Variants in ACTN1 observed in about 807,000 individuals in gnomAD.
ACTN1 encodes actinin alpha 1.
In ACTN1, 30 loss-of-function variants were observed where a neutral mutation model predicts 119.6. That is an observed-to-expected ratio of 0.25 (90% confidence interval 0.19 to 0.34). The LOEUF is 0.34. ACTN1 is among the 10% of genes least tolerant of loss of function. ACTN1 has a pLI of 1.00. For missense variants in ACTN1, 764 were observed against 1,223.4 expected, an observed-to-expected ratio of 0.62 and a Z score of 5.60; for synonymous variants, 429 against 472.6, an observed-to-expected ratio of 0.91 and a Z score of 1.20.
At chr14:68,916,168 A>G (rs2034282837) in intron 3 of ACTN1, among the ~76,000 whole-genome samples, 1 of 152,120 alleles carries the variant, frequency 6.6e-6, no homozygotes, top group Admixed American at 6.5e-5. Context: ...TTAAGCCTAG[A>G]AAAAAGCTCT....
rs2031876351 is a variant in ACTN1, at chr14:68,885,026, C to T, written c.1386-143G>A. ...CCTTCAAGAGACCTTCCAGGCACTC[C>T]TTCCACCCCTCCCCTCTTTCAGGAG... On this transcript the variant is annotated intron_variant, in intron 12 of 21. Transcript: ENST00000394419. The surrounding 1 kb of genome is among the most constrained non-coding windows in gnomAD (Gnocchi z 5.6). The T allele has an allele frequency of 3.0e-6, 2 of 661,624 alleles. No individual in the cohort carries two copies. The highest frequency in any genetic ancestry group is 5.3e-5 in the Admixed American group (2 of 38,032). 41.0% of individuals were successfully genotyped at this position (661,624 alleles called of 1,614,324 possible). A position where few individuals can be genotyped will look rare whatever the true frequency, so the allele number is the denominator to read the frequency against.
chr14:68,976,741 G>T (rs957560178), intron 1 of ACTN1, among the ~76,000 whole-genome samples: 13 of 152,210 alleles, frequency 8.5e-5, no homozygotes, highest in Non-Finnish European at 1.8e-4. Context: ...ACCAAACACA[G>T]TCTGGACTTG....
chr14:68,900,122 C>T lies in ACTN1; in HGVS notation c.762+2355G>A, dbSNP rs1015452489. 8.5e-5 allele frequency among the ~76,000 whole-genome samples: 13 copies of T among 152,180 alleles called. No individual in the cohort carries two copies. The East Asian group carries it at 2.1e-3, about 25-fold the overall frequency. Reference sequence around the variant, plus strand: ...ACCAATGAGCCCTGGAAGGAAGTTCCGGAGGGTCTTGGGTGCCCAACCAGG... The same window carrying T: ...ACCAATGAGCCCTGGAAGGAAGTTCTGGAGGGTCTTGGGTGCCCAACCAGG... On this transcript the variant is annotated intron_variant, in intron 8 of 21. Coordinates refer to ENST00000394419, the MANE Select transcript of ACTN1 (RefSeq NM_001130004.2).
At chr14:68,898,076 AGATCT>A (rs1255182674) in intron 8 of ACTN1, among the ~76,000 whole-genome samples, 1 of 152,244 alleles carries the variant, frequency 6.6e-6, no homozygotes. Context: ...TGCCCTGCTC[AGATCT>A]GGGGCAGAGC....
intron 3 of ACTN1, among the ~76,000 whole-genome samples, chr14:68,916,527 C>A (rs2034303800): frequency 6.6e-6 from 1 of 152,182 alleles, no homozygotes; most frequent in African/African-American, 2.4e-5. Context: ...AATTAGCAGC[C>A]CATGCACGCC....
chr14:68,889,585 A>C (rs940392766), intron 11 of ACTN1, among the ~76,000 whole-genome samples: 1 of 152,240 alleles, frequency 6.6e-6, no homozygotes, highest in Non-Finnish European at 1.5e-5. Context: ...ACCTGAGATC[A>C]GGAGTTCAAA....
In ACTN1 at chr14:68,911,780, G is replaced by A. The variant is rs565959652; in HGVS notation, c.427+376C>T. Among the ~76,000 whole-genome samples the A allele has an allele frequency of 2.6e-5, 4 of 152,336 alleles. No individual in the cohort carries two copies. The East Asian group carries it at 7.7e-4, about 29-fold the overall frequency. Reference sequence around the variant, plus strand: ...GCAGATCTGTGAAATGGCCACTAGAGGGTGCTAGGGGAGCAAAGTGGAGGA... The same window carrying A: ...GCAGATCTGTGAAATGGCCACTAGAAGGTGCTAGGGGAGCAAAGTGGAGGA... On this transcript the variant is annotated intron_variant, in intron 4 of 21. Transcript: ENST00000394419.
intron 1 of ACTN1, among the ~76,000 whole-genome samples, chr14:68,938,021 G>A (rs975739333): frequency 4.3e-4 from 65 of 152,358 alleles, no homozygotes; most frequent in African/African-American, 1.5e-3. Context: ...TGGCCAGGGC[G>A]TGGGCCCTGG....
intron 1 of ACTN1, among the ~76,000 whole-genome samples, chr14:68,937,776 A>G (rs1240702118): frequency 6.6e-6 from 1 of 152,246 alleles, no homozygotes; most frequent in African/African-American, 2.4e-5. Flanking sequence ...GTCTAGGCTC[A>G]TCGAGTCAAA....
chr14:68,932,515 T>A (rs1034216407), intron 1 of ACTN1, among the ~76,000 whole-genome samples: 2 of 99,546 alleles, frequency 2.0e-5, no homozygotes, highest in African/African-American at 1.1e-4. Context: ...ACACCCAGCT[T>A]TTTTTTTTTT....
At position 68,874,711 on chromosome 14, in the gene ACTN1, C is replaced by G; in HGVS notation, c.*148G>C. 2 of 715,728 alleles carry G rather than the reference C, an allele frequency of 2.8e-6. No individual in the cohort carries two copies. Among genetic ancestry groups the G allele is most frequent in the Non-Finnish European group, 4.0e-6 (2 of 495,960 alleles). 44.3% of individuals were successfully genotyped at this position (715,728 alleles called of 1,614,324 possible). ...AAAATAATTTTGTAAACTGTCACTT[C>G]GCGGGCAGGGAGGATCGATGCCACG... On this transcript the variant is annotated 3_prime_UTR_variant, in exon 22 of 22. Coordinates refer to ENST00000394419, the MANE Select transcript of ACTN1 (RefSeq NM_001130004.2).
chr14:68,910,084 C>A (rs375699601), intron 4 of ACTN1, 42 bp from the exon 5 acceptor site: 3 of 1,554,488 alleles, frequency 1.9e-6, no homozygotes, highest in Non-Finnish European at 2.7e-6. Flanking sequence ...AGGGCTGACT[C>A]GGTGGAGGGA....
At chr14:68,905,042 C>T (rs557774637) in intron 6 of ACTN1, among the ~76,000 whole-genome samples, 224 of 152,320 alleles carry the variant, frequency 1.5e-3, no homozygotes, top group African/African-American at 5.1e-3. Flanking sequence ...GGGCAGGGCA[C>T]TGGCCTAGTC....
chr14:68,950,390 C>A (rs113591217), intron 1 of ACTN1, among the ~76,000 whole-genome samples: 1 of 148,760 alleles, frequency 6.7e-6, no homozygotes, highest in Non-Finnish European at 1.5e-5. Flanking sequence ...CTGAACTGTA[C>A]GTACACTTCA....
In ACTN1 at chr14:68,892,172, G is replaced by A. The variant is rs1037348428; in HGVS notation, c.967C>T (p.His323Tyr). Residue 323 changes from histidine to tyrosine, a missense_variant, in exon 10 of 22, where the codon CAC becomes TAC. Coordinates refer to ENST00000394419, the MANE Select transcript of ACTN1 (RefSeq NM_001130004.2). ...LEDFRDYRRL[H>Y]KPPKVQEKCQ... ...TTCTCCTGCACCTTGGGCGGCTTGT[G>A]CAGGCGCCGGTAGTCCCGGAAGTCC... The A allele has an allele frequency of 2.0e-5, 32 of 1,614,042 alleles. No individual in the cohort carries two copies. Among genetic ancestry groups the A allele is most frequent in the Non-Finnish European group, 2.4e-5 (28 of 1,180,042 alleles).
At chr14:68,943,684 T>C (rs1044512405) in intron 1 of ACTN1, among the ~76,000 whole-genome samples, 1 of 152,142 alleles carries the variant, frequency 6.6e-6, no homozygotes, top group African/African-American at 2.4e-5. Flanking sequence ...TTGGCTACCA[T>C]TATAACCCTC....
At chr14:68,928,705 T>C (rs2331836) in intron 1 of ACTN1, among the ~76,000 whole-genome samples, 21,762 of 152,036 alleles carry the variant, frequency 0.14, 2,539 homozygotes, top group East Asian at 0.65. Flanking sequence ...CAGTGAACAG[T>C]GGGGAGGAGG....
At chr14:68,964,162 G>A (rs371677541) in intron 1 of ACTN1, among the ~76,000 whole-genome samples, 20 of 152,188 alleles carry the variant, frequency 1.3e-4, no homozygotes, top group African/African-American at 4.3e-4. Flanking sequence ...GGGGAGAAAA[G>A]AGCCTTTCCA....
intron 1 of ACTN1, among the ~76,000 whole-genome samples, chr14:68,946,526 A>G (rs1347327417): frequency 1.3e-5 from 2 of 152,196 alleles, no homozygotes; most frequent in Non-Finnish European, 2.9e-5. Context: ...TCCTACCCAC[A>G]GGACTTCCAG....
Sources: gnomAD v4.1 joint callset for allele counts (sites outside exome capture counted in the v4.1 genomes callset) on GRCh38, gnomAD v4.1.1 for gene constraint, Gnocchi (gnomAD v3.1) non-coding constraint, MANE v1.5 for transcripts, NCBI Gene and HGNC (gene_info 2026-07-23, HGNC 2026-07-21) for gene names.